Variants in GPD2 observed in about 807,000 individuals in gnomAD.
GPD2 encodes the protein glycerol-3-phosphate dehydrogenase, mitochondrial.
In GPD2, 54 loss-of-function variants were observed where a neutral mutation model predicts 82.4. That is an observed-to-expected ratio of 0.66 (90% CI 0.53 to 0.82). The LOEUF is 0.82. Among genes scored for constraint, GPD2 ranks in the 40% least tolerant of loss-of-function variants. The pLI is 0.00. For missense variants in GPD2, 748 were observed against 896.2 expected, an observed-to-expected ratio of 0.83 and a Z score of 2.11; for synonymous variants, 288 against 306.1, an observed-to-expected ratio of 0.94 and a Z score of 0.62.
rs754833044 is a variant in GPD2 at position 156,550,615 on chromosome 2, C to T, written c.840C>T (p.Asp280=). 23 of 1,613,828 alleles carry T rather than the reference C, an allele frequency of 1.4e-5. No homozygotes were observed. The highest frequency in any genetic ancestry group is 7.7e-5 in the South Asian group (7 of 91,086). The change falls in exon 8 of 17, where the codon GAC becomes GAT. Residue 280 remains aspartate (D), a synonymous_variant. Coordinates refer to ENST00000438166, the MANE Select transcript of GPD2 (RefSeq NM_000408.5). ...CKDVLTGQEF[D]VRAKCVINAT... ...TTTCTTTCACAGGGCAGGAATTTGA[C>T]GTGAGAGCCAAATGTGTTATCAATG...
chr2:156,501,990 G>T, intron 3 of GPD2: 1 of 157,274 alleles, frequency 6.4e-6, no homozygotes. Flanking sequence ...TAGTCTATCA[G>T]TCTTTAAATA....
chr2:156,431,802 ATATTT>A (rs1160290453), upstream of GPD2, among the ~76,000 whole-genome samples: 6 of 151,096 alleles, frequency 4.0e-5, no homozygotes, highest in Non-Finnish European at 8.8e-5. Context: ...ATTTGTTATT[ATATTT>A]TATTCTCTTT....
intron 2 of GPD2, among the ~76,000 whole-genome samples, chr2:156,483,173 A>G (rs1469131645): frequency 1.3e-5 from 2 of 152,196 alleles, no homozygotes; most frequent in African/African-American, 4.8e-5. Flanking sequence ...AACTCTAGTC[A>G]AAATAAGATC....
the GPD2 span, among the ~76,000 whole-genome samples, chr2:156,429,338 A>T: frequency 6.6e-6 from 1 of 152,248 alleles, no homozygotes; most frequent in African/African-American, 2.4e-5. Context: ...CTTAATACTT[A>T]TTCATGTTCT....
chr2:156,511,386 T>C (rs972319590), intron 4 of GPD2, among the ~76,000 whole-genome samples: 4 of 152,250 alleles, frequency 2.6e-5, no homozygotes, highest in African/African-American at 9.6e-5. Flanking sequence ...CACTTTATTG[T>C]GTCCAGCCTG....
intron 10 of GPD2, 29 bp downstream of exon 10, chr2:156,568,988 TTC>T (rs747339512): frequency 1.3e-6 from 2 of 1,486,944 alleles, no homozygotes; most frequent in Non-Finnish European, 9.1e-7. Flanking sequence ...TTATTTTCTT[TTC>T]TTTTTTTTTT....
At chr2:156,527,254 TA>T (rs201178276) in intron 6 of GPD2, among the ~76,000 whole-genome samples, 3 of 147,180 alleles carry the variant, frequency 2.0e-5, no homozygotes, top group African/African-American at 5.0e-5. Flanking sequence ...GGAAATGTAA[TA>T]AAAAAAAAAC....
intron 2 of GPD2, among the ~76,000 whole-genome samples, chr2:156,488,591 TCA>T (rs2105225801): frequency 6.6e-6 from 1 of 152,292 alleles, no homozygotes; most frequent in South Asian, 2.1e-4. Flanking sequence ...GTTTTTGGTC[TCA>T]CCCGAAGTTG....
In GPD2 at chr2:156,578,898, GA is replaced by G. The variant is rs1282000200; in HGVS notation, c.1780del (p.Thr594GlnfsTer19). ...WDDYKKQEQL[E>X]TARKFLYYEM... The stretch of plus-strand genomic sequence containing the variant: ...TGTATCTCTGTTTTAGGAACAACTT[GA>G]AACAGCCAGGAAGTTTCTATATTAT... On this transcript the variant is annotated frameshift_variant, in exon 14 of 17. Transcript: ENST00000438166. LOFTEE classifies it high-confidence loss of function. The G allele has an allele frequency of 6.3e-7, 1 of 1,588,210 alleles. No homozygotes were observed. Among genetic ancestry groups the G allele is most frequent in the South Asian group, 1.1e-5 (1 of 90,512 alleles).
At chr2:156,504,826 A>T (rs1684726355) in intron 3 of GPD2, among the ~76,000 whole-genome samples, 1 of 152,138 alleles carries the variant, frequency 6.6e-6, no homozygotes, top group Non-Finnish European at 1.5e-5. Flanking sequence ...TAAATCAAAT[A>T]TACCATATGA....
chr2:156,456,425 G>A (rs745631238), intron 1 of GPD2, among the ~76,000 whole-genome samples: 6 of 151,968 alleles, frequency 3.9e-5, no homozygotes, highest in Admixed American at 2.0e-4. Flanking sequence ...CCAATATGAC[G>A]AAACCTTGTC....
chr2:156,513,395 A>G lies in GPD2; in HGVS notation c.560A>G (p.Asn187Ser), dbSNP rs780703643. The change falls in exon 6 of 17, where the codon AAT becomes AGT. Residue 187 changes from asparagine to serine, a missense_variant. Transcript: ENST00000438166. The stretch of plus-strand genomic sequence containing the variant: ...CTGTATGATTTGGTTGCAGGAAGCA[A>G]TTGCCTAAAAAGCAGTTATGTCCTC... ...IKLYDLVAGS[N>S]CLKSSYVLSK... 3 of 1,612,522 alleles carry G rather than the reference A, an allele frequency of 1.9e-6. No individual in the cohort carries two copies. Among genetic ancestry groups the G allele is most frequent in the South Asian group, 2.2e-5 (2 of 91,038 alleles).
intron 6 of GPD2, among the ~76,000 whole-genome samples, chr2:156,544,580 T>C (rs1178822931): frequency 6.6e-6 from 1 of 152,186 alleles, no homozygotes; most frequent in African/African-American, 2.4e-5. Flanking sequence ...GAAACACTTA[T>C]CTTTTCAGCT....
At chr2:156,419,733 TCTC>T in the GPD2 span, among the ~76,000 whole-genome samples, 1 of 152,248 alleles carries the variant, frequency 6.6e-6, no homozygotes, top group African/African-American at 2.4e-5. Flanking sequence ...TCTTCTACCA[TCTC>T]CTTAAATTTT....
the GPD2 span, among the ~76,000 whole-genome samples, chr2:156,400,498 C>T: frequency 6.6e-6 from 1 of 152,220 alleles, no homozygotes. Context: ...CGCAGGGCAC[C>T]GGATCCCTCC....
intron 1 of GPD2, among the ~76,000 whole-genome samples, chr2:156,463,411 C>T (rs1683053394): frequency 6.6e-6 from 1 of 152,020 alleles, no homozygotes; most frequent in South Asian, 2.1e-4. Flanking sequence ...TAAATAAAAC[C>T]ATGAATGCAA....
intron 2 of GPD2, among the ~76,000 whole-genome samples, chr2:156,483,060 C>T (rs2105215546): frequency 6.6e-6 from 1 of 151,482 alleles, no homozygotes; most frequent in South Asian, 2.1e-4. Context: ...ATTAGTAGTA[C>T]CAATGACTCA....
intron 2 of GPD2, among the ~76,000 whole-genome samples, chr2:156,488,571 A>G (rs1461186864): frequency 6.6e-6 from 1 of 151,982 alleles, no homozygotes; most frequent in Non-Finnish European, 1.5e-5. Flanking sequence ...GACACTAATT[A>G]TTAGATCTTG....
At chr2:156,424,882 A>G in the GPD2 span, among the ~76,000 whole-genome samples, 1 of 152,194 alleles carries the variant, frequency 6.6e-6, no homozygotes, top group Admixed American at 6.5e-5. Context: ...AACATCTTAA[A>G]GCTTATTGTA....
Sources: allele counts gnomAD v4.1 joint callset (sites outside exome capture counted in the v4.1 genomes callset), GRCh38; gene constraint gnomAD v4.1.1; transcripts MANE v1.5; gene names NCBI Gene and HGNC (gene_info 2026-07-23, HGNC 2026-07-21).